The following LPAR3 variants were observed in gnomAD, a reference collection of about 807,000 sequenced individuals.
LPAR3 encodes lysophosphatidic acid receptor 3, also known as LPA receptor 3.
Under a neutral mutation model 17.8 loss-of-function variants are expected in LPAR3, and 7 were observed. The observed-to-expected ratio is 0.39, with a 90% CI of 0.22 to 0.74. LPAR3 has a LOEUF of 0.74. Among genes scored for constraint, LPAR3 ranks in the 30% least tolerant of loss-of-function variants. The pLI is 0.40. For synonymous variants in LPAR3, 179 were observed against 179.9 expected, an observed-to-expected ratio of 0.99 and a Z score of 0.04; for missense variants, 391 against 453.4, an observed-to-expected ratio of 0.86 and a Z score of 1.25.
chr1:84,830,364 T>TTAGC (rs1363844284), intron 2 of LPAR3, among the ~76,000 whole-genome samples: 1 of 150,774 alleles, frequency 6.6e-6, no homozygotes, highest in African/African-American at 2.4e-5. Flanking sequence ...AAGAGGCAAA[T>TTAGC]TAGCTGGGAC....
chr1:84,881,447 G>A (rs909131060), intron 1 of LPAR3, among the ~76,000 whole-genome samples: 3 of 152,298 alleles, frequency 2.0e-5, no homozygotes, highest in Admixed American at 2.0e-4. Flanking sequence ...TAGTACACAG[G>A]ATGCACTCAA....
In LPAR3 at chr1:84,813,803, T is replaced by C; in HGVS notation, c.*43A>G. On this transcript the variant is annotated 3_prime_UTR_variant, in exon 3 of 3. Coordinates refer to ENST00000370611, the MANE Select transcript of LPAR3 (RefSeq NM_012152.3). ...GACAGGTAATCATTCTTAACAGCTC[T>C]TTTCCCAGAGGAGGCCTGGGTGGGC... 1.3e-6 allele frequency: 2 copies of C among 1,499,988 alleles called. No homozygotes were observed. Among genetic ancestry groups the C allele is most frequent in the South Asian group, 1.2e-5 (1 of 84,832 alleles). The allele number at this position is 1,499,988 out of a possible 1,614,324, so 92.9% of individuals were successfully genotyped here. A position where few individuals can be genotyped will look rare whatever the true frequency, so the allele number is the denominator to read the frequency against.
intron 2 of LPAR3, among the ~76,000 whole-genome samples, chr1:84,834,051 G>A (rs993986054): frequency 6.6e-6 from 1 of 152,206 alleles, no homozygotes; most frequent in Non-Finnish European, 1.5e-5. Context: ...ATGGAGTTAA[G>A]TGAAAAAGAC....
intron 1 of LPAR3, among the ~76,000 whole-genome samples, chr1:84,880,719 A>G (rs930003295): frequency 2.0e-5 from 3 of 152,232 alleles, no homozygotes; most frequent in African/African-American, 7.2e-5. Flanking sequence ...TATCAAGTTT[A>G]TAAGGAATTG....
At chr1:84,869,612 T>G (rs1248721684) in intron 1 of LPAR3, among the ~76,000 whole-genome samples, 1 of 152,130 alleles carries the variant, frequency 6.6e-6, no homozygotes, top group Non-Finnish European at 1.5e-5. Context: ...TGAAAAAAAA[T>G]CTCAAAATGT....
chr1:84,864,471 C>T (rs1660002189), intron 2 of LPAR3, among the ~76,000 whole-genome samples: 1 of 152,112 alleles, frequency 6.6e-6, no homozygotes, highest in Non-Finnish European at 1.5e-5. Flanking sequence ...TTGCTATTGC[C>T]TCATTACAGC....
chr1:84,865,330 G>A (rs548736815), intron 2 of LPAR3, 55 bp downstream of exon 2: 50 of 1,530,606 alleles, frequency 3.3e-5, no homozygotes, highest in African/African-American at 2.2e-4. Flanking sequence ...CAGATGCTCC[G>A]TAAAGATTTG....
intron 1 of LPAR3, among the ~76,000 whole-genome samples, chr1:84,886,696 TATC>T (rs1175355578): frequency 3.9e-5 from 6 of 152,138 alleles, no homozygotes; most frequent in African/African-American, 7.2e-5. Flanking sequence ...TACATGAAAA[TATC>T]ATGTTGTATG....
At chr1:84,838,915 G>C (rs1029201622) in intron 2 of LPAR3, among the ~76,000 whole-genome samples, 1 of 151,962 alleles carries the variant, frequency 6.6e-6, no homozygotes, top group African/African-American at 2.4e-5. Context: ...TTTCATTTCC[G>C]GGCTTTGTCC....
At chr1:84,837,025 ATT>A (rs397775811) in intron 2 of LPAR3, among the ~76,000 whole-genome samples, 6 of 141,376 alleles carry the variant, frequency 4.2e-5, no homozygotes, top group South Asian at 4.5e-4. Flanking sequence ...TACTTTATCA[ATT>A]TTTTTTTTTT....
chr1:84,850,723 ACT>A (rs1233853169), intron 2 of LPAR3, among the ~76,000 whole-genome samples: 1 of 152,268 alleles, frequency 6.6e-6, no homozygotes, highest in Non-Finnish European at 1.5e-5. Flanking sequence ...ACCCAGGCTA[ACT>A]CTGTACCACA....
intron 2 of LPAR3, among the ~76,000 whole-genome samples, chr1:84,829,359 G>T (rs1309936607): frequency 6.6e-6 from 1 of 151,804 alleles, no homozygotes; most frequent in Non-Finnish European, 1.5e-5. Flanking sequence ...TGGGGCCCAA[G>T]AATTTGAATG....
chr1:84,848,308 C>G (rs1230919545), intron 2 of LPAR3, among the ~76,000 whole-genome samples: 1 of 152,222 alleles, frequency 6.6e-6, no homozygotes, highest in African/African-American at 2.4e-5. Context: ...CCCCAGAATG[C>G]CCCTGCTGGG....
At chr1:84,891,940 G>A (rs1048094116) in intron 1 of LPAR3, among the ~76,000 whole-genome samples, 1 of 152,096 alleles carries the variant, frequency 6.6e-6, no homozygotes, top group Non-Finnish European at 1.5e-5. Context: ...CTAGCCGGGC[G>A]CAGTGGCTCA....
chr1:84,846,421 C>T (rs1035701787), intron 2 of LPAR3, among the ~76,000 whole-genome samples: 3 of 152,156 alleles, frequency 2.0e-5, no homozygotes, highest in Non-Finnish European at 2.9e-5. Context: ...TGGTGACATG[C>T]TGCTTGAAAC....
chr1:84,868,114 A>G lies in LPAR3; in HGVS notation c.-18-1976T>C, dbSNP rs538804063. On this transcript the variant is annotated intron_variant, in intron 1 of 2. Coordinates refer to ENST00000370611, the MANE Select transcript of LPAR3 (RefSeq NM_012152.3). ...TGAAACTCCACTTAAGAGAGATAGC[A>G]TTTTTTTTTTTCCAAGATGGAGTCT... Among the ~76,000 whole-genome samples, 17 of 149,000 alleles carry G rather than the reference A, an allele frequency of 1.1e-4. No individual in the cohort carries two copies. In the South Asian group the frequency reaches 3.4e-3, roughly 30 times the overall value.
At chr1:84,876,576 C>G (rs1243138102) in intron 1 of LPAR3, among the ~76,000 whole-genome samples, 2 of 152,156 alleles carry the variant, frequency 1.3e-5, no homozygotes, top group Non-Finnish European at 2.9e-5. Flanking sequence ...CTTGCTGCTT[C>G]TAGCTCGGGG....
intron 2 of LPAR3, among the ~76,000 whole-genome samples, chr1:84,856,786 T>C (rs1402168573): frequency 1.3e-5 from 2 of 152,186 alleles, no homozygotes; most frequent in Admixed American, 6.5e-5. Context: ...ATACACAAGA[T>C]GTTGGTGCTG....
chr1:84,869,617 A>G (rs1660120638), intron 1 of LPAR3, among the ~76,000 whole-genome samples: 1 of 152,206 alleles, frequency 6.6e-6, no homozygotes, highest in Non-Finnish European at 1.5e-5. Context: ...AAAAATCTCA[A>G]AATGTAAATA....
Sources: gnomAD v4.1 joint callset for allele counts (sites outside exome capture counted in the v4.1 genomes callset) on GRCh38, gnomAD v4.1.1 for gene constraint, MANE v1.5 for transcripts, NCBI Gene and HGNC (gene_info 2026-07-23, HGNC 2026-07-21) for gene names.